CDON: variants seen among roughly 807,000 people sequenced by gnomAD.
CDON encodes cell adhesion associated, oncogene regulated.
Under a neutral mutation model 120.9 loss-of-function variants are expected in CDON, and 73 were observed. The observed-to-expected ratio is 0.60, with a 90% confidence interval of 0.50 to 0.73. The LOEUF is 0.73. Ranked by LOEUF, CDON falls within the 30% of genes least tolerant of loss-of-function variation. The pLI is 0.00. For synonymous variants in CDON, 566 were observed against 573.5 expected (o/e 0.99, Z 0.19); for missense variants, 1,470 against 1,587.3 (o/e 0.93, Z 1.26).
chr11:125,961,873 A>G lies in CDON; in HGVS notation c.3482T>C (p.Leu1161Pro). ...GCCACAATCAGGGACTGCGGAAGTC[A>G]GGCATACAGGCACCTTCACGTGACT... The part of the protein sequence containing the change: ...PLSHVKVPVC[L>P]TSAVPDCGQL... Residue 1161 changes from leucine (L) to proline (P), a missense_variant, in exon 19 of 20, where the codon CTG becomes CCG. Transcript: ENST00000531738. The G allele has an allele frequency of 6.2e-7, 1 of 1,614,222 alleles. No homozygotes were observed. The highest frequency in any genetic ancestry group is 1.1e-5 in the South Asian group (1 of 91,090).
intron 1 of CDON, among the ~76,000 whole-genome samples, chr11:126,041,557 A>T (rs1948263764): frequency 6.6e-6 from 1 of 152,238 alleles, no homozygotes; most frequent in Non-Finnish European, 1.5e-5. Flanking sequence ...ACGTAATAGC[A>T]AACTATGTTA....
At chr11:126,029,491 A>G (rs1454983870) in intron 1 of CDON, among the ~76,000 whole-genome samples, 4 of 152,188 alleles carry the variant, frequency 2.6e-5, no homozygotes, top group Non-Finnish European at 5.9e-5. Flanking sequence ...CATTCAAAAC[A>G]GTAAATTGCC....
chr11:126,030,412 G>C (rs558359394), intron 1 of CDON, among the ~76,000 whole-genome samples: 1 of 152,220 alleles, frequency 6.6e-6, no homozygotes, highest in Non-Finnish European at 1.5e-5. Context: ...CCTCTTCCTA[G>C]CCTCCTATTT....
rs747855411 is a variant in CDON, at chr11:126,002,101, C to CA, written c.2027-252dup. On this transcript the variant is annotated intron_variant, in intron 10 of 19. Coordinates refer to ENST00000531738, the MANE Select transcript of CDON (RefSeq NM_001378964.1). ...TTTCTTCATTCTAACTTTACGTATG[C>CA]AAAAAAATAGGTGAAAAAGCCAAAT... Among the ~76,000 whole-genome samples, 17 of 152,024 alleles carry CA rather than the reference C, an allele frequency of 1.1e-4. No individual in the cohort carries two copies. The East Asian group carries it at 1.7e-3, about 16-fold the overall frequency.
chr11:126,015,548 A>G, intron 6 of CDON, 38 bp from the exon 7 acceptor site: 1 of 1,603,452 alleles, frequency 6.2e-7, no homozygotes, highest in South Asian at 1.1e-5. Flanking sequence ...CTAGCCCTCA[A>G]AATGTACTTC....
In CDON at chr11:126,026,249, A is replaced by G. The variant is rs747467904; in HGVS notation, c.-61-2712T>C. Among the ~76,000 whole-genome samples the G allele has an allele frequency of 2.0e-5, 3 of 152,200 alleles. No individual in the cohort carries two copies. In the South Asian group the frequency reaches 6.2e-4, roughly 32 times the overall value. On this transcript the variant is annotated intron_variant, in intron 1 of 19. Coordinates refer to ENST00000531738, the MANE Select transcript of CDON (RefSeq NM_001378964.1). Reference sequence around the variant, plus strand: ...CTTATTCATTCATATGTATAATTTTAAAAATCAACAAAAAATACAGTAAGT... The same window carrying G: ...CTTATTCATTCATATGTATAATTTTGAAAATCAACAAAAAATACAGTAAGT...
intron 2 of CDON, among the ~76,000 whole-genome samples, chr11:126,022,070 C>G (rs534605906): frequency 6.9e-6 from 1 of 144,954 alleles, no homozygotes; most frequent in East Asian, 2.0e-4. Flanking sequence ...CCACTGCACT[C>G]CAGCCTGGGT....
intron 18 of CDON, among the ~76,000 whole-genome samples, chr11:125,970,153 C>CATCTT (rs1240288930): frequency 6.8e-6 from 1 of 147,684 alleles, no homozygotes; most frequent in Non-Finnish European, 1.5e-5. Context: ...GAAATAGTTA[C>CATCTT]ATCTTGGTGG....
At chr11:126,032,937 G>A (rs1382606815) in intron 1 of CDON, among the ~76,000 whole-genome samples, 1 of 152,194 alleles carries the variant, frequency 6.6e-6, no homozygotes, top group African/African-American at 2.4e-5. Context: ...GAGCCCAGGA[G>A]GTTGAGGCTG....
At chr11:126,048,634 CAAAG>C (rs1331885524) in intron 1 of CDON, among the ~76,000 whole-genome samples, 2 of 152,008 alleles carry the variant, frequency 1.3e-5, no homozygotes, top group African/African-American at 2.4e-5. Context: ...TATATAGCAT[CAAAG>C]AAAACCATGT....
At chr11:126,010,032 T>A (rs915981590) in intron 8 of CDON, among the ~76,000 whole-genome samples, 1 of 152,146 alleles carries the variant, frequency 6.6e-6, no homozygotes, top group Admixed American at 6.5e-5. Flanking sequence ...ATGTCTGCAA[T>A]ATCATTTTCG....
At chr11:125,986,231 G>A (rs1281980269) in intron 15 of CDON, among the ~76,000 whole-genome samples, 4 of 152,106 alleles carry the variant, frequency 2.6e-5, no homozygotes, top group African/African-American at 9.7e-5. Context: ...CTCACTCATA[G>A]GTGGGAATTG....
chr11:125,974,350 TAGGTAGGTAGGTAGGTAGGAAGGAAGGA>T, intron 18 of CDON, among the ~76,000 whole-genome samples: 1 of 62,066 alleles, frequency 1.6e-5, no homozygotes, highest in East Asian at 6.1e-4. Flanking sequence ...TGTAGGTAGG[TAGGTAGGTAGGTAGGTAGGAAGGAAGGA>T]AGGAAGGAAG....
Position 125,956,844 on chromosome 11 carries a change from T to C in CDON, c.*4098A>G. 1.0e-6 allele frequency: 1 copy of C among 986,630 alleles called. No homozygotes were observed. Among genetic ancestry groups the C allele is most frequent in the Non-Finnish European group, 1.2e-6 (1 of 830,784 alleles). The allele number at this position is 986,630 out of a possible 1,614,324, so 61.1% of individuals were successfully genotyped here. A position where few individuals can be genotyped will look rare whatever the true frequency, so the allele number is the denominator to read the frequency against. On this transcript the variant is annotated 3_prime_UTR_variant, in exon 20 of 20. Transcript: ENST00000531738. ...TCTGTGGTTCTCACAGAGTTAGACT[T>C]TATTAGATAAGGGGTTTCGGCTACC...
At chr11:125,978,468 T>C in intron 17 of CDON, 85 bp from the exon 18 acceptor site, 2 of 829,902 alleles carry the variant, frequency 2.4e-6, no homozygotes, top group Middle Eastern at 2.2e-4. Flanking sequence ...TAATCACAAA[T>C]ACACATGAGC....
intron 1 of CDON, among the ~76,000 whole-genome samples, chr11:126,033,109 C>T (rs529530060): frequency 3.9e-5 from 6 of 152,292 alleles, no homozygotes; most frequent in African/African-American, 1.2e-4. Flanking sequence ...GCTCTATTTC[C>T]CCACTGCTGT....
chr11:126,003,599 T>C (rs1947021932), intron 10 of CDON, among the ~76,000 whole-genome samples: 1 of 152,110 alleles, frequency 6.6e-6, no homozygotes, highest in African/African-American at 2.4e-5. Context: ...GGTGGGCGGA[T>C]CACGAGGTCA....
intron 7 of CDON, chr11:126,014,955 C>G: frequency 2.5e-6 from 1 of 399,138 alleles, no homozygotes; most frequent in Non-Finnish European, 4.6e-6. Context: ...GAGGAACTGA[C>G]TGTCTAGGGA....
chr11:126,050,878 A>T (rs1455914233), intron 1 of CDON, among the ~76,000 whole-genome samples: 1 of 152,182 alleles, frequency 6.6e-6, no homozygotes, highest in Non-Finnish European at 1.5e-5. Context: ...CTCTGACACC[A>T]TATTAGTTAC....
Sources: gnomAD v4.1 joint callset for allele counts (sites outside exome capture counted in the v4.1 genomes callset) on GRCh38, gnomAD v4.1.1 for gene constraint, MANE v1.5 for transcripts, NCBI Gene and HGNC (gene_info 2026-07-23, HGNC 2026-07-21) for gene names.